The following SRBD1 variants were observed in gnomAD, a reference collection of about 807,000 sequenced individuals.
The protein encoded by SRBD1 is S1 RNA binding domain 1.
A neutral mutation model predicts 115.3 loss-of-function variants in SRBD1; 88 were observed. The ratio of observed to expected loss-of-function variants is 0.76; its 90% CI spans 0.64 to 0.91. SRBD1 has a LOEUF of 0.91. Among genes scored for constraint, SRBD1 ranks in the 40% least tolerant of loss-of-function variants. SRBD1 has a pLI of 0.00. For missense variants in SRBD1, 1,385 were observed against 1,177.4 expected (o/e 1.18, Z -2.58); for synonymous variants, 509 against 407.7 (o/e 1.25, Z -2.99).
intron 14 of SRBD1, among the ~76,000 whole-genome samples, chr2:45,513,980 C>T (rs1413796594): frequency 6.6e-6 from 1 of 152,106 alleles, no homozygotes; most frequent in African/African-American, 2.4e-5. Flanking sequence ...ATGATTTGGA[C>T]TTAAGTCCAA....
At chr2:45,587,581 G>A (rs1673587460) in intron 4 of SRBD1, among the ~76,000 whole-genome samples, 1 of 152,068 alleles carries the variant, frequency 6.6e-6, no homozygotes. Flanking sequence ...GTAATCAACT[G>A]ATTATCAAAA....
At chr2:45,445,610 C>T (rs981051797) in intron 16 of SRBD1, among the ~76,000 whole-genome samples, 6 of 139,422 alleles carry the variant, frequency 4.3e-5, no homozygotes, top group South Asian at 4.7e-4. Context: ...AGTCAAGCCA[C>T]GGAACAAAGT....
At chr2:45,504,238 C>T (rs1244529408) in intron 14 of SRBD1, among the ~76,000 whole-genome samples, 2 of 152,110 alleles carry the variant, frequency 1.3e-5, no homozygotes, top group Non-Finnish European at 2.9e-5. Context: ...CCCTTTTCCA[C>T]GTGCCACTTA....
Position 45,599,758 on chromosome 2 carries a change from T to A in SRBD1, c.339A>T (p.Thr113=). 1 of 1,614,240 alleles carries A rather than the reference T, an allele frequency of 6.2e-7. No homozygotes were observed. The highest frequency in any genetic ancestry group is 8.5e-7 in the Non-Finnish European group (1 of 1,180,050). ...CTGCACATTTCTGTTTTGTCTTGGC[T>A]GTTTTCAGAGTCTGTACAGTATCCA... is the stretch of plus-strand genomic sequence containing the variant. ...NKLDTVQTLK[T]AKTKQKCAAQ... Residue 113 remains threonine (T), a synonymous_variant, in exon 4 of 21, where the codon ACA becomes ACT. Coordinates refer to ENST00000263736, the MANE Select transcript of SRBD1 (RefSeq NM_018079.5).
intron 19 of SRBD1, among the ~76,000 whole-genome samples, 188 bp downstream of exon 19, chr2:45,412,926 G>A (rs1175623099): frequency 6.6e-6 from 1 of 152,118 alleles, no homozygotes; most frequent in South Asian, 2.1e-4. Flanking sequence ...AATGCTCCAG[G>A]AGTAATGGTT....
chr2:45,436,537 G>A (rs533297709), intron 16 of SRBD1, among the ~76,000 whole-genome samples: 1 of 152,312 alleles, frequency 6.6e-6, no homozygotes. Flanking sequence ...AGTTCCACAT[G>A]GCTGGGGAGG....
chr2:45,553,364 T>C (rs1176079406), intron 11 of SRBD1, among the ~76,000 whole-genome samples: 1 of 152,224 alleles, frequency 6.6e-6, no homozygotes, highest in African/African-American at 2.4e-5. Flanking sequence ...GCTGCAAGAC[T>C]AGTATTGCAG....
chr2:45,537,760 C>T (rs17033825), intron 14 of SRBD1, among the ~76,000 whole-genome samples: 6,968 of 152,162 alleles, frequency 0.046, 553 homozygotes, highest in African/African-American at 0.16. Context: ...AAGTGGAAGG[C>T]GCTTTACTGG....
chr2:45,494,717 A>G (rs560823323), intron 14 of SRBD1, among the ~76,000 whole-genome samples: 1 of 152,332 alleles, frequency 6.6e-6, no homozygotes, highest in Non-Finnish European at 1.5e-5. Flanking sequence ...TATCTACAAT[A>G]TAAAATATGT....
At chr2:45,498,322 T>C (rs1017322091) in intron 14 of SRBD1, among the ~76,000 whole-genome samples, 2 of 152,178 alleles carry the variant, frequency 1.3e-5, no homozygotes, top group Non-Finnish European at 2.9e-5. Flanking sequence ...ATATTTGCAA[T>C]TATTTTCTCC....
chr2:45,592,828 T>C (rs576723164), intron 4 of SRBD1, among the ~76,000 whole-genome samples: 1 of 152,296 alleles, frequency 6.6e-6, no homozygotes, highest in East Asian at 1.9e-4. Flanking sequence ...ATCTGAGAAC[T>C]TGTTAAAAAT....
intron 4 of SRBD1, among the ~76,000 whole-genome samples, chr2:45,598,782 G>T (rs1018773544): frequency 6.6e-6 from 1 of 151,788 alleles, no homozygotes; most frequent in Non-Finnish European, 1.5e-5. Context: ...GAATCACATG[G>T]GACAGATAAC....
At chr2:45,496,803 C>T (rs752330988) in intron 14 of SRBD1, among the ~76,000 whole-genome samples, 6 of 152,154 alleles carry the variant, frequency 3.9e-5, no homozygotes, top group Non-Finnish European at 8.8e-5. Flanking sequence ...ACCCTATCTA[C>T]AAACTTCATC....
Position 45,547,672 on chromosome 2 carries a change from T to C in SRBD1, c.1676-60A>G, listed in dbSNP as rs925029320. Reference sequence around the variant, plus strand: ...GAAATTACAAAGTGAAACACATGAATGATTTTGTTAAGCAAGTTGTAACAG... The same window carrying C: ...GAAATTACAAAGTGAAACACATGAACGATTTTGTTAAGCAAGTTGTAACAG... On this transcript the variant is annotated intron_variant, in intron 12 of 20. Coordinates refer to ENST00000263736, the MANE Select transcript of SRBD1 (RefSeq NM_018079.5). The C allele has an allele frequency of 1.3e-5, 18 of 1,426,624 alleles. No individual in the cohort carries two copies. The African/African-American group carries it at 1.6e-4, about 13-fold the overall frequency. 88.4% of individuals were successfully genotyped at this position (1,426,624 alleles called of 1,614,324 possible).
In SRBD1 at chr2:45,546,799, C is replaced by T. The variant is rs768597427; in HGVS notation, c.1807G>A (p.Glu603Lys). ...AGGTCAGCAAAGTAAGCTTCTGTTTCCCTGCAGGCAGTTCCATTTCCAATC... is the reference window on the plus strand; with the variant it reads ...AGGTCAGCAAAGTAAGCTTCTGTTTTCCTGCAGGCAGTTCCATTTCCAATC... ...VVIGNGTACR[E>K]TEAYFADLIM... The change falls in exon 14 of 21, where the codon GAA (glutamate) becomes AAA (lysine). Residue 603 changes from glutamate to lysine, a missense_variant. Coordinates refer to ENST00000263736, the MANE Select transcript of SRBD1 (RefSeq NM_018079.5). 1 of 1,614,138 alleles carries T rather than the reference C, an allele frequency of 6.2e-7. No homozygotes were observed. Among genetic ancestry groups the T allele is most frequent in the Non-Finnish European group, 8.5e-7 (1 of 1,180,004 alleles).
intron 14 of SRBD1, among the ~76,000 whole-genome samples, chr2:45,516,542 T>C (rs1217103799): frequency 1.3e-5 from 2 of 152,186 alleles, no homozygotes; most frequent in Non-Finnish European, 2.9e-5. Context: ...TGGAATAGTG[T>C]TCACCAATAC....
chr2:45,419,932 A>G (rs3213789), intron 16 of SRBD1, 38 bp from the exon 17 acceptor site: 64,511 of 1,556,896 alleles, frequency 0.041, 3,111 homozygotes, highest in African/African-American at 0.17. Flanking sequence ...AGTGAAGGAG[A>G]TGTAGTTCTT....
intron 14 of SRBD1, among the ~76,000 whole-genome samples, chr2:45,496,316 G>A (rs1249813135): frequency 1.3e-5 from 2 of 151,814 alleles, no homozygotes; most frequent in Non-Finnish European, 2.9e-5. Context: ...ATCTAATAAC[G>A]TAAGACAGAA....
intron 19 of SRBD1, among the ~76,000 whole-genome samples, chr2:45,399,314 T>C (rs6734451): frequency 0.7 from 106,692 of 151,992 alleles, 38,091 homozygotes; most frequent in Non-Finnish European, 0.77. Flanking sequence ...TGAAAGATAA[T>C]AGAGCCTTTG....
Sources: allele counts gnomAD v4.1 joint callset (sites outside exome capture counted in the v4.1 genomes callset), GRCh38; gene constraint gnomAD v4.1.1; transcripts MANE v1.5; gene names NCBI Gene and HGNC (gene_info 2026-07-23, HGNC 2026-07-21).